Variants in DIP2C observed in about 807,000 individuals in gnomAD.
DIP2C encodes the protein DIP2 acetate--CoA ligase C (putative).
DIP2C carries 33 observed loss-of-function variants against 192.4 expected under a neutral mutation model. The observed-to-expected ratio is 0.17, with a 90% confidence interval of 0.13 to 0.23. The LOEUF is 0.23. Among genes scored for constraint, DIP2C ranks in the 10% least tolerant of loss-of-function variants. DIP2C has a pLI of 1.00. For synonymous variants in DIP2C, 979 were observed against 864.1 expected (o/e 1.13, Z -2.33); for missense variants, 1,537 against 2,110.1 (o/e 0.73, Z 5.32).
At chr10:348,027 G>A (rs369608378) in intron 26 of DIP2C, among the ~76,000 whole-genome samples, 5 of 151,810 alleles carry the variant, frequency 3.3e-5, no homozygotes, top group East Asian at 3.9e-4. Context: ...GACGCGTCGC[G>A]CATAGCTCTC....
intron 19 of DIP2C, among the ~76,000 whole-genome samples, chr10:365,996 A>G (rs1960149133): frequency 6.6e-6 from 1 of 152,246 alleles, no homozygotes; most frequent in East Asian, 1.9e-4. Context: ...ACGTTCAATA[A>G]TGATCCACTT....
chr10:503,907 C>A (rs1845416411), intron 1 of DIP2C, among the ~76,000 whole-genome samples: 1 of 152,204 alleles, frequency 6.6e-6, no homozygotes, highest in Admixed American at 6.5e-5. Context: ...AATTTACAAC[C>A]ATTGATTTCA....
intron 3 of DIP2C, among the ~76,000 whole-genome samples, chr10:466,094 C>T (rs984246920): frequency 2.7e-5 from 4 of 146,850 alleles, no homozygotes; most frequent in Admixed American, 1.4e-4. Flanking sequence ...AATCCTAAGC[C>T]AAAAGAACAA....
chr10:451,333 G>A (rs948740529), intron 3 of DIP2C, among the ~76,000 whole-genome samples: 5 of 152,100 alleles, frequency 3.3e-5, no homozygotes, highest in Admixed American at 3.3e-4. Flanking sequence ...CGTGGGACTG[G>A]GATTTACTCG....
chr10:351,630 T>TA (rs1290966714), intron 24 of DIP2C, among the ~76,000 whole-genome samples: 1 of 152,110 alleles, frequency 6.6e-6, no homozygotes, highest in Non-Finnish European at 1.5e-5. Flanking sequence ...GAAACTGATT[T>TA]AAAGTAGAAG....
intron 7 of DIP2C, 58 bp downstream of exon 7, chr10:415,711 A>G (rs552311720): frequency 5.1e-6 from 8 of 1,582,432 alleles, no homozygotes; most frequent in Non-Finnish European, 6.9e-6. Flanking sequence ...AAAAAATATC[A>G]TTGTTTACGG....
At chr10:407,965 G>T (rs985809331) in intron 9 of DIP2C, among the ~76,000 whole-genome samples, 3 of 152,094 alleles carry the variant, frequency 2.0e-5, no homozygotes, top group African/African-American at 7.2e-5. Context: ...GTTGCCTGTG[G>T]TTCGGGTGCC....
rs770022907 is a variant in DIP2C at position 366,522 on chromosome 10, G to A, written c.2132-111C>T. 5.5e-6 allele frequency: 8 copies of A among 1,459,854 alleles called. No homozygotes were observed. The African/African-American group carries it at 6.9e-5, about 13-fold the overall frequency. 90.4% of individuals were successfully genotyped at this position (1,459,854 alleles called of 1,614,324 possible). A position where few individuals can be genotyped will look rare whatever the true frequency, so the allele number is the denominator to read the frequency against. On this transcript the variant is annotated intron_variant, in intron 18 of 36. Coordinates refer to ENST00000280886, the MANE Select transcript of DIP2C (RefSeq NM_014974.3). ...ACACCAGTGAACAGGAATGGGGTCT[G>A]GAGCAAAACTGCACGGATGGTAGTC... is the stretch of plus-strand genomic sequence containing the variant.
chr10:486,320 C>A (rs756008698), intron 2 of DIP2C, 139 bp downstream of exon 2: 53 of 704,630 alleles, frequency 7.5e-5, no homozygotes, highest in Middle Eastern at 8.2e-4. Flanking sequence ...CTCAAAGGAA[C>A]TGAATGCCTG....
chr10:300,937 A>C (rs1200103957), intron 32 of DIP2C, among the ~76,000 whole-genome samples: 1 of 152,248 alleles, frequency 6.6e-6, no homozygotes, highest in African/African-American at 2.4e-5. Context: ...TTTTTATTAA[A>C]TCATAAAAGA....
chr10:280,535 A>G (rs574367285), intron 36 of DIP2C, among the ~76,000 whole-genome samples: 1 of 152,356 alleles, frequency 6.6e-6, no homozygotes, highest in East Asian at 1.9e-4. Context: ...ACGGCACTCC[A>G]GCATCCAATC....
intron 16 of DIP2C, among the ~76,000 whole-genome samples, chr10:383,762 C>A (rs1962600051): frequency 6.6e-6 from 1 of 152,098 alleles, no homozygotes; most frequent in Non-Finnish European, 1.5e-5. Flanking sequence ...TCAAGACATC[C>A]TCTGAATCCC....
chr10:523,371 G>C (rs866079343), intron 1 of DIP2C, among the ~76,000 whole-genome samples: 2 of 141,254 alleles, frequency 1.4e-5, no homozygotes, highest in South Asian at 4.3e-4. Context: ...CAGGGACTCT[G>C]TGTCACCCAC....
At chr10:341,663 G>A (rs1048261083) in intron 28 of DIP2C, among the ~76,000 whole-genome samples, 2 of 152,240 alleles carry the variant, frequency 1.3e-5, no homozygotes, top group Non-Finnish European at 2.9e-5. Context: ...CAATAAAGCC[G>A]CATTAAATGC....
intron 9 of DIP2C, among the ~76,000 whole-genome samples, chr10:408,567 T>C (rs1035576625): frequency 4.6e-5 from 7 of 152,330 alleles, no homozygotes; most frequent in South Asian, 2.1e-4. Flanking sequence ...ATGATGTCTT[T>C]ATGTAATTCA....
chr10:321,575 G>GAA (rs1957021258), intron 31 of DIP2C, among the ~76,000 whole-genome samples: 1 of 128,054 alleles, frequency 7.8e-6, no homozygotes, highest in African/African-American at 3.0e-5. Context: ...AGTCAGTCGG[G>GAA]GGTGCGGGGC....
At chr10:641,687 T>C (rs988518926) in intron 1 of DIP2C, 1 of 154,192 alleles carries the variant, frequency 6.5e-6, no homozygotes. Flanking sequence ...CGGCAAGTGC[T>C]TCTACATCCC....
chr10:311,676 TGGA>T, intron 31 of DIP2C: 1 of 912,838 alleles, frequency 1.1e-6, no homozygotes, highest in Non-Finnish European at 1.4e-6. Flanking sequence ...AAAAATGGGA[TGGA>T]GAAGAGGGAG....
chr10:362,936 G>A (rs936193426), intron 21 of DIP2C, among the ~76,000 whole-genome samples: 1 of 152,160 alleles, frequency 6.6e-6, no homozygotes, highest in African/African-American at 2.4e-5. Flanking sequence ...AAGATAACAT[G>A]TTCTCAAGAT....
Sources: allele counts gnomAD v4.1 joint callset (sites outside exome capture counted in the v4.1 genomes callset), GRCh38; gene constraint gnomAD v4.1.1; transcripts MANE v1.5; gene names NCBI Gene and HGNC (gene_info 2026-07-23, HGNC 2026-07-21).